Variants in MORC1 observed in about 807,000 individuals in gnomAD.
MORC1 encodes the protein MORC family CW-type zinc finger 1, also known as MORC family CW-type zinc finger protein 1.
MORC1 carries 59 observed loss-of-function variants against 134.9 expected under a neutral mutation model. That is an observed-to-expected ratio of 0.44 (90% CI 0.35 to 0.54). MORC1 has a LOEUF of 0.54. MORC1 is among the 20% of genes least tolerant of loss of function. MORC1 has a pLI of 0.00. For missense variants in MORC1, 947 were observed against 1,134.5 expected (o/e 0.83, Z 2.37); for synonymous variants, 395 against 391.7 (o/e 1.01, Z -0.10).
chr3:108,992,155 C>A (rs567557756), intron 21 of MORC1, among the ~76,000 whole-genome samples: 1 of 152,228 alleles, frequency 6.6e-6, no homozygotes, highest in East Asian at 1.9e-4. Flanking sequence ...CAATGTGATT[C>A]TAAGTTATCC....
At chr3:109,095,129 CT>C in intron 6 of MORC1, 61 bp from the exon 7 acceptor site, 1 of 1,443,046 alleles carries the variant, frequency 6.9e-7, no homozygotes, top group Non-Finnish European at 9.4e-7. Flanking sequence ...ATTCTTTTGT[CT>C]TATCTATTTC....
chr3:109,090,665 G>A (rs1456420763), intron 8 of MORC1, among the ~76,000 whole-genome samples: 3 of 149,320 alleles, frequency 2.0e-5, no homozygotes, highest in African/African-American at 7.5e-5. Context: ...TGTTCACAAG[G>A]ACTATGTGAA....
intron 16 of MORC1, among the ~76,000 whole-genome samples, chr3:109,029,624 C>G (rs779507420): frequency 6.6e-6 from 1 of 152,130 alleles, no homozygotes; most frequent in Non-Finnish European, 1.5e-5. Flanking sequence ...AAACTGATGG[C>G]TATTTCTCAG....
chr3:108,964,361 T>A (rs752754051), intron 26 of MORC1, among the ~76,000 whole-genome samples: 20 of 152,216 alleles, frequency 1.3e-4, no homozygotes, highest in Non-Finnish European at 2.4e-4. Flanking sequence ...AAATCCCATT[T>A]TGATAAGCAT....
intron 21 of MORC1, among the ~76,000 whole-genome samples, chr3:108,988,827 G>A (rs1023997280): frequency 1.8e-4 from 28 of 152,234 alleles, no homozygotes; most frequent in Admixed American, 6.5e-4. Flanking sequence ...ACAGCCTCAC[G>A]AAATTAATTA....
rs1325054408 is a variant in MORC1, at chr3:108,982,745, G to A, written c.2324+1971C>T. 7.2e-3 allele frequency among the ~76,000 whole-genome samples: 721 copies of A among 99,598 alleles called. 5 individuals are homozygous for A. The highest frequency in any genetic ancestry group is 0.027 in the African/African-American group (649 of 24,390). The allele number at this position is 99,598 out of a possible 152,430, so 65.3% of individuals were successfully genotyped here. Reference sequence around the variant, plus strand: ...AAAGTATAAAAAAAAAAAAAAAGAAGAAGAAGAAGAAAGAAAGAAACGATC... The same window carrying A: ...AAAGTATAAAAAAAAAAAAAAAGAAAAAGAAGAAGAAAGAAAGAAACGATC... On this transcript the variant is annotated intron_variant, in intron 23 of 27. Coordinates refer to ENST00000232603, the MANE Select transcript of MORC1 (RefSeq NM_014429.4).
At chr3:109,036,830 G>A (rs1949391030) in intron 14 of MORC1, among the ~76,000 whole-genome samples, 1 of 152,048 alleles carries the variant, frequency 6.6e-6, no homozygotes, top group Non-Finnish European at 1.5e-5. Context: ...ATTTTCCTTT[G>A]GATTTGGCTT....
In MORC1 at chr3:109,098,112, T is replaced by G. The variant is rs545586702; in HGVS notation, c.423+1246A>C. On this transcript the variant is annotated intron_variant, in intron 6 of 27. Coordinates refer to ENST00000232603, the MANE Select transcript of MORC1 (RefSeq NM_014429.4). The stretch of plus-strand genomic sequence containing the variant: ...ATTTTTTTGAGACAGGGTCTCACTA[T>G]GTTGCTCAGGCTGGCCTCAAACTAC... Among the ~76,000 whole-genome samples the G allele has an allele frequency of 1.7e-4, 26 of 152,272 alleles. No homozygotes were observed. The South Asian group carries it at 5.2e-3, about 30-fold the overall frequency.
chr3:108,987,044 A>G, intron 21 of MORC1, 95 bp from the exon 22 acceptor site: 1 of 850,776 alleles, frequency 1.2e-6, no homozygotes. Context: ...CCCAGCAGAA[A>G]AGAAATCATA....
Position 109,005,147 on chromosome 3 carries a change from C to G in MORC1, c.1936G>C (p.Glu646Gln). 1 of 1,613,872 alleles carries G rather than the reference C, an allele frequency of 6.2e-7. No individual in the cohort carries two copies. Among genetic ancestry groups the G allele is most frequent in the Admixed American group, 1.7e-5 (1 of 59,990 alleles). Reference protein sequence around the residue: ...SETKIMKKSMEEKMNSQQQRI... With the variant: ...SETKIMKKSMQEKMNSQQQRI... ...TGCTGTTGAGAGTTCATTTTCTCCT[C>G]CATAGACTTTTTCATAATTTTTGTT... is the stretch of plus-strand genomic sequence containing the variant. The change falls in exon 19 of 28, where the codon GAG (glutamate) becomes CAG (glutamine). Residue 646 changes from glutamate (E) to glutamine (Q), a missense_variant. Physicochemically the swap from Glu to Gln is conservative, Grantham distance 29. Around this residue, in one of 3 missense-constraint regions of MORC1, gnomAD observed 722 missense variants for 817.0 expected, o/e 0.88. Coordinates refer to ENST00000232603, the MANE Select transcript of MORC1 (RefSeq NM_014429.4).
At chr3:108,973,589 GTT>G (rs1224864870) in intron 24 of MORC1, among the ~76,000 whole-genome samples, 1 of 105,658 alleles carries the variant, frequency 9.5e-6, no homozygotes, top group Non-Finnish European at 2.0e-5. Context: ...TGTTTGCTTT[GTT>G]TTGGTTTTTT....
chr3:109,104,170 G>C (rs1236488332), intron 3 of MORC1, among the ~76,000 whole-genome samples: 1 of 152,036 alleles, frequency 6.6e-6, no homozygotes, highest in East Asian at 1.9e-4. Context: ...GTATACAGCA[G>C]GACATGTTCT....
chr3:109,023,191 A>C (rs900902975), intron 17 of MORC1, among the ~76,000 whole-genome samples: 1 of 152,236 alleles, frequency 6.6e-6, no homozygotes, highest in Non-Finnish European at 1.5e-5. Context: ...GCTCCAGACA[A>C]GAATGCACAA....
intron 9 of MORC1, among the ~76,000 whole-genome samples, chr3:109,064,154 T>C (rs969301373): frequency 2.0e-5 from 3 of 152,104 alleles, no homozygotes; most frequent in Admixed American, 2.0e-4. Flanking sequence ...TGTGTACATA[T>C]ATATAATGTA....
intron 19 of MORC1, 82 bp from the exon 20 acceptor site, chr3:109,004,970 A>C (rs2107532388): frequency 6.4e-7 from 1 of 1,572,350 alleles, no homozygotes; most frequent in African/African-American, 1.4e-5. Context: ...TATATTTTAT[A>C]ATTAAAGTGT....
intron 17 of MORC1, among the ~76,000 whole-genome samples, chr3:109,011,529 T>TG (rs1459545394): frequency 6.6e-6 from 1 of 151,936 alleles, no homozygotes; most frequent in African/African-American, 2.4e-5. Flanking sequence ...TTTTTGTTTT[T>TG]TTTTTTTTTG....
chr3:108,993,418 G>A (rs913763463), intron 21 of MORC1, among the ~76,000 whole-genome samples: 18 of 152,142 alleles, frequency 1.2e-4, no homozygotes, highest in African/African-American at 4.3e-4. Context: ...GTTTGCTGGA[G>A]AACTGATGAA....
At chr3:109,003,563 A>G (rs1449444899) in intron 20 of MORC1, among the ~76,000 whole-genome samples, 1 of 152,144 alleles carries the variant, frequency 6.6e-6, no homozygotes, top group Non-Finnish European at 1.5e-5. Flanking sequence ...GACAAATCCT[A>G]AATCTTGAAA....
At chr3:109,057,977 A>G (rs1473573803) in intron 12 of MORC1, among the ~76,000 whole-genome samples, 1 of 152,238 alleles carries the variant, frequency 6.6e-6, no homozygotes, top group Non-Finnish European at 1.5e-5. Context: ...ATAAGTTATT[A>G]TAATAAAGCA....
Sources: gnomAD v4.1 joint callset for allele counts (sites outside exome capture counted in the v4.1 genomes callset) on GRCh38, gnomAD v4.1.1 for gene constraint, gnomAD v4.1.1 regional missense constraint, MANE v1.5 for transcripts, NCBI Gene and HGNC (gene_info 2026-07-23, HGNC 2026-07-21) for gene names.